GSG1L: variants seen among roughly 807,000 people sequenced by gnomAD.
GSG1L encodes germ cell-specific gene 1-like protein.
In GSG1L, 24 loss-of-function variants were observed where a neutral mutation model predicts 42.1. The ratio of observed to expected loss-of-function variants is 0.57; its 90% confidence interval spans 0.41 to 0.80. GSG1L has a LOEUF of 0.80. GSG1L is among the 30% of genes least tolerant of loss of function. The pLI is 0.00. For missense variants in GSG1L, 445 were observed against 472.2 expected, an observed-to-expected ratio of 0.94 and a Z score of 0.53; for synonymous variants, 215 against 203.5, an observed-to-expected ratio of 1.06 and a Z score of -0.48.
At chr16:27,843,392 C>A (rs1397075474) in intron 4 of GSG1L, among the ~76,000 whole-genome samples, 2 of 151,164 alleles carry the variant, frequency 1.3e-5, no homozygotes, top group Non-Finnish European at 2.9e-5. Context: ...AAAGTCATAA[C>A]CAGGATTTTA....
intron 5 of GSG1L, among the ~76,000 whole-genome samples, chr16:27,810,378 G>A (rs1353473428): frequency 6.6e-6 from 1 of 152,158 alleles, no homozygotes; most frequent in Non-Finnish European, 1.5e-5. Context: ...GCTGAGTTGG[G>A]AGGATCACTT....
chr16:27,890,525 C>T (rs2084113386), intron 2 of GSG1L, among the ~76,000 whole-genome samples: 1 of 152,310 alleles, frequency 6.6e-6, no homozygotes, highest in East Asian at 1.9e-4. Context: ...GGAATGAGGA[C>T]AAGTAGATAA....
At chr16:27,977,180 A>G (rs886325290) in intron 1 of GSG1L, among the ~76,000 whole-genome samples, 4 of 152,200 alleles carry the variant, frequency 2.6e-5, no homozygotes, top group African/African-American at 9.7e-5. Context: ...AGGCAGAGTG[A>G]CCTACCCAAG....
At chr16:28,018,898 G>C (rs1424733997) in intron 1 of GSG1L, among the ~76,000 whole-genome samples, 2 of 152,160 alleles carry the variant, frequency 1.3e-5, no homozygotes, top group East Asian at 3.9e-4. Context: ...TGCACAGAGT[G>C]AAACACTTCA....
At chr16:27,967,322 T>C (rs1030583879) in intron 1 of GSG1L, among the ~76,000 whole-genome samples, 1 of 152,180 alleles carries the variant, frequency 6.6e-6, no homozygotes, top group African/African-American at 2.4e-5. Context: ...AGGGGTCAGA[T>C]CACAAAGGGT....
chr16:27,839,239 G>A (rs1226349262), intron 4 of GSG1L, among the ~76,000 whole-genome samples: 3 of 152,162 alleles, frequency 2.0e-5, no homozygotes, highest in Non-Finnish European at 2.9e-5. Flanking sequence ...GGACAGGAGT[G>A]AGAACCTTCC....
At position 27,916,325 on chromosome 16, in the gene GSG1L, T is replaced by A. The variant is rs1481758752; in HGVS notation, c.398-31687A>T. On this transcript the variant is annotated intron_variant, in intron 2 of 6. Transcript: ENST00000447459. ...TTTCTAAATTTTATGTATTTATATT[T>A]TTTTTTTAGAGACAGAGTCTTGCTG... Among the ~76,000 whole-genome samples the A allele has an allele frequency of 3.3e-5, 5 of 152,238 alleles. No individual in the cohort carries two copies. The South Asian group carries it at 8.3e-4, about 25-fold the overall frequency.
At chr16:27,952,115 G>C (rs1322106569) in intron 2 of GSG1L, among the ~76,000 whole-genome samples, 3 of 152,246 alleles carry the variant, frequency 2.0e-5, no homozygotes, top group Admixed American at 1.3e-4. Flanking sequence ...AGCTTCAGGA[G>C]TCAGATCCAG....
intron 1 of GSG1L, among the ~76,000 whole-genome samples, 172 bp downstream of exon 1, chr16:28,062,904 C>T (rs1463621635): frequency 2.0e-5 from 3 of 152,050 alleles, no homozygotes; most frequent in Admixed American, 2.0e-4. Context: ...GGTCCCCGGC[C>T]CCGGAACGGC....
At chr16:27,845,088 G>A (rs376191705) in intron 3 of GSG1L, 27 bp from the exon 4 acceptor site, 90 of 1,512,666 alleles carry the variant, frequency 5.9e-5, no homozygotes, top group South Asian at 2.3e-4. Context: ...AGAGCAAAGC[G>A]TCAGGAAGTA....
At chr16:27,854,023 G>A (rs935698583) in intron 3 of GSG1L, among the ~76,000 whole-genome samples, 2 of 152,116 alleles carry the variant, frequency 1.3e-5, no homozygotes, top group South Asian at 2.1e-4. Flanking sequence ...GAGAACAGGA[G>A]CCCAATTTGG....
rs1567452670 is a variant in GSG1L, at chr16:27,789,462, T to C, written c.*1908A>G. The C allele has an allele frequency of 6.6e-6, 1 of 151,238 alleles. No homozygotes were observed. The highest frequency in any genetic ancestry group is 1.5e-5 in the Non-Finnish European group (1 of 67,840). The allele number at this position is 151,238 out of a possible 1,614,324, so 9.4% of individuals were successfully genotyped here. On this transcript the variant is annotated 3_prime_UTR_variant, in exon 7 of 7. Coordinates refer to ENST00000447459, the MANE Select transcript of GSG1L (RefSeq NM_001109763.2). Reference sequence around the variant, plus strand: ...TGGCTGATGAATGATGGATAAAGGATGGATGGATGATGGATAGATGGATGA... The same window carrying C: ...TGGCTGATGAATGATGGATAAAGGACGGATGGATGATGGATAGATGGATGA...
At chr16:28,020,108 A>C (rs1194752365) in intron 1 of GSG1L, among the ~76,000 whole-genome samples, 1 of 152,212 alleles carries the variant, frequency 6.6e-6, no homozygotes, top group Non-Finnish European at 1.5e-5. Context: ...AGAGACATTG[A>C]TGTGGCGAGT....
At chr16:27,924,803 G>A (rs1258227649) in intron 2 of GSG1L, among the ~76,000 whole-genome samples, 1 of 152,220 alleles carries the variant, frequency 6.6e-6, no homozygotes, top group Non-Finnish European at 1.5e-5. Context: ...TTGCCATCAT[G>A]AGGATGATAG....
At chr16:27,979,686 A>AGAAGGAAGGAAGGAAGGAAG (rs1271446807) in intron 1 of GSG1L, among the ~76,000 whole-genome samples, 2 of 40,082 alleles carry the variant, frequency 5.0e-5, no homozygotes, top group African/African-American at 2.2e-4. Context: ...AGAGAAAGAA[A>AGAAGGAAGGAAGGAAGGAAG]GAAGGAAGGA....
At chr16:28,005,765 A>C (rs8045290) in intron 1 of GSG1L, among the ~76,000 whole-genome samples, 114,047 of 151,976 alleles carry the variant, frequency 0.75, 42,987 homozygotes, top group South Asian at 0.89. Context: ...AGGCATAGAG[A>C]CCGGCAGAAT....
intron 5 of GSG1L, 51 bp from the exon 6 acceptor site, chr16:27,807,605 T>C: frequency 6.6e-7 from 1 of 1,523,008 alleles, no homozygotes; most frequent in South Asian, 1.2e-5. Flanking sequence ...AAGAGAAGGA[T>C]GAGTGGGCAG....
At chr16:27,950,067 T>G (rs1567532032) in intron 2 of GSG1L, among the ~76,000 whole-genome samples, 1 of 152,236 alleles carries the variant, frequency 6.6e-6, no homozygotes, top group African/African-American at 2.4e-5. Flanking sequence ...TAACCCTATC[T>G]GTGAATCCCT....
intron 1 of GSG1L, among the ~76,000 whole-genome samples, chr16:27,965,408 T>C (rs1438677706): frequency 1.3e-5 from 2 of 152,230 alleles, no homozygotes; most frequent in Non-Finnish European, 2.9e-5. Flanking sequence ...GAGACTAATA[T>C]ACAATATTAC....
Sources: allele counts gnomAD v4.1 joint callset (sites outside exome capture counted in the v4.1 genomes callset), GRCh38; gene constraint gnomAD v4.1.1; transcripts MANE v1.5; gene names NCBI Gene and HGNC (gene_info 2026-07-23, HGNC 2026-07-21).